Variants in PCDHA4 observed in about 807,000 individuals in gnomAD.
PCDHA4 encodes the protein protocadherin alpha-4.
Under a neutral mutation model 61.4 loss-of-function variants are expected in PCDHA4, and 49 were observed. The observed-to-expected ratio is 0.80, with a 90% CI of 0.63 to 1.01. The LOEUF (loss-of-function observed/expected upper bound fraction) is 1.01, where lower values mean the gene tolerates loss of function less well. Among genes scored for constraint, PCDHA4 ranks in the 50% least tolerant of loss-of-function variants. The pLI is 0.00. For synonymous variants in PCDHA4, 590 were observed against 550.3 expected (o/e 1.07, Z -1.01); for missense variants, 1,254 against 1,235.8 (o/e 1.01, Z -0.22).
intron 1 of PCDHA4, among the ~76,000 whole-genome samples, chr5:140,819,727 T>C (rs1196998494): frequency 6.6e-6 from 1 of 152,070 alleles, no homozygotes; most frequent in African/African-American, 2.4e-5. Flanking sequence ...TTAACAGATA[T>C]GAAAGTGAAT....
At chr5:140,823,528 G>T in intron 1 of PCDHA4, 1 of 1,613,758 alleles carries the variant, frequency 6.2e-7, no homozygotes. Context: ...GAGGTCAGTG[G>T]GTGCGGGCCA....
intron 1 of PCDHA4, chr5:140,857,969 T>A: frequency 6.3e-7 from 1 of 1,596,804 alleles, no homozygotes; most frequent in Non-Finnish European, 8.6e-7. Context: ...TGAGACTGAC[T>A]CGCCACGCCA....
chr5:140,883,691 T>C (rs2059755439), intron 1 of PCDHA4: 2 of 1,613,592 alleles, frequency 1.2e-6, no homozygotes, highest in African/African-American at 2.7e-5. Flanking sequence ...CTGCCACATC[T>C]TCACGGTGTC....
At chr5:140,822,835 C>A (rs1767446565) in intron 1 of PCDHA4, 1 of 1,614,198 alleles carries the variant, frequency 6.2e-7, no homozygotes, top group Non-Finnish European at 8.5e-7. Flanking sequence ...CATAACCACC[C>A]TTTTCCTGCC....
intron 1 of PCDHA4, chr5:140,830,336 T>G (rs1207479341): frequency 6.2e-7 from 1 of 1,613,688 alleles, no homozygotes; most frequent in Admixed American, 1.7e-5. Flanking sequence ...GGGGAGCTGG[T>G]CGTACTCGCA....
chr5:140,870,745 G>T (rs369212308), intron 1 of PCDHA4: 8 of 1,613,530 alleles, frequency 5.0e-6, no homozygotes, highest in Admixed American at 3.3e-5. Flanking sequence ...GAGCAGCAAC[G>T]TGACGCTGCA....
intron 1 of PCDHA4, chr5:140,862,291 C>A (rs1029513176): frequency 7.5e-6 from 2 of 265,238 alleles, no homozygotes; most frequent in Admixed American, 4.8e-5. Flanking sequence ...TACAGGAGGA[C>A]GCTCCACTGG....
At chr5:140,998,055 T>C (rs2097794971) in intron 3 of PCDHA4, among the ~76,000 whole-genome samples, 1 of 152,190 alleles carries the variant, frequency 6.6e-6, no homozygotes, top group Non-Finnish European at 1.5e-5. Flanking sequence ...AGTGACATCA[T>C]CATCAACAGA....
intron 1 of PCDHA4, chr5:140,848,611 C>A (rs2150414621): frequency 6.3e-7 from 1 of 1,593,572 alleles, no homozygotes; most frequent in African/African-American, 1.3e-5. Flanking sequence ...CCGGAGGAAG[C>A]CGAACACGGC....
chr5:140,824,284 T>C lies in PCDHA4; in HGVS notation c.2385+14712T>C, dbSNP rs1581808951. ...TAATTCATGTATTATATGCTTTTTA[T>C]GAGGCTTTTCTGCTGGGGTAATAGA... On this transcript the variant is annotated intron_variant, in intron 1 of 3. Transcript: ENST00000530339. The C allele has an allele frequency of 6.5e-6, 7 of 1,072,766 alleles. No homozygotes were observed. The East Asian group carries it at 9.5e-5, about 15-fold the overall frequency. 66.5% of individuals were successfully genotyped at this position (1,072,766 alleles called of 1,614,324 possible). A position where few individuals can be genotyped will look rare whatever the true frequency, so the allele number is the denominator to read the frequency against.
At chr5:140,877,571 T>C in intron 1 of PCDHA4, 1 of 1,613,760 alleles carries the variant, frequency 6.2e-7, no homozygotes, top group African/African-American at 1.3e-5. Context: ...AACGTGTACC[T>C]CATCATCGCC....
At chr5:140,928,348 G>A in intron 1 of PCDHA4, 1 of 1,614,172 alleles carries the variant, frequency 6.2e-7, no homozygotes, top group Non-Finnish European at 8.5e-7. Context: ...TGAGCTGTTG[G>A]ATGTTATCTC....
chr5:140,895,720 C>A (rs1473250558), intron 1 of PCDHA4, among the ~76,000 whole-genome samples: 2 of 152,136 alleles, frequency 1.3e-5, no homozygotes, highest in African/African-American at 4.8e-5. Flanking sequence ...ATGGCCTGCA[C>A]CTCCATTCAA....
intron 1 of PCDHA4, among the ~76,000 whole-genome samples, chr5:140,826,177 T>A (rs1310139687): frequency 6.6e-6 from 1 of 152,232 alleles, no homozygotes; most frequent in African/African-American, 2.4e-5. Context: ...TGTCATTCTA[T>A]AAATCTAAAG....
chr5:140,971,843 G>T (rs1250084892), intron 1 of PCDHA4, among the ~76,000 whole-genome samples: 2 of 151,906 alleles, frequency 1.3e-5, no homozygotes, highest in Non-Finnish European at 2.9e-5. Flanking sequence ...TGCAAGTCAT[G>T]CGTTAAATAT....
At chr5:140,965,496 A>AT (rs71766133) in intron 1 of PCDHA4, among the ~76,000 whole-genome samples, 6,292 of 146,438 alleles carry the variant, frequency 0.043, 368 homozygotes, top group African/African-American at 0.14. Flanking sequence ...ATGACAGCAG[A>AT]TTTTTTTTTT....
At position 140,857,263 on chromosome 5, in the gene PCDHA4, A is replaced by G. The variant is rs367883816; in HGVS notation, c.2385+47691A>G. On this transcript the variant is annotated intron_variant, in intron 1 of 3. Coordinates refer to ENST00000530339, the MANE Select transcript of PCDHA4 (RefSeq NM_018907.4). The stretch of plus-strand genomic sequence containing the variant: ...TGTCCACCTACAAGAATTACTACTC[A>G]TTGGTGCTGGACAGCGCTCTGGACC... 5.0e-5 allele frequency: 80 copies of G among 1,598,534 alleles called. 2 individuals carry two copies. In the East Asian group the frequency reaches 1.3e-3, roughly 25 times the overall value.
At chr5:140,860,192 C>CATATATATATATATATATATATATAT (rs143984774) in intron 1 of PCDHA4, 76 of 146,806 alleles carry the variant, frequency 5.2e-4, no homozygotes, top group Middle Eastern at 3.6e-3. Flanking sequence ...GCTCTCCTTA[C>CATATATATATATATATATATATATAT]ATATATATCT....
intron 3 of PCDHA4, among the ~76,000 whole-genome samples, chr5:141,002,329 A>C (rs2098072323): frequency 6.6e-6 from 1 of 152,226 alleles, no homozygotes; most frequent in Non-Finnish European, 1.5e-5. Context: ...GCCGGGCTGC[A>C]TCCGCACCCC....
Sources: gnomAD v4.1 joint callset for allele counts (sites outside exome capture counted in the v4.1 genomes callset) on GRCh38, gnomAD v4.1.1 for gene constraint, MANE v1.5 for transcripts, NCBI Gene and HGNC (gene_info 2026-07-23, HGNC 2026-07-21) for gene names.